Variants in ZNF354C observed in about 807,000 individuals in gnomAD.
ZNF354C encodes the protein zinc finger protein 354C.
A neutral mutation model predicts 12.4 loss-of-function variants in ZNF354C; 7 were observed. That is an observed-to-expected ratio of 0.56 (90% CI 0.32 to 1.06). The LOEUF is 1.06. Ranked by LOEUF, ZNF354C falls within the 50% of genes least tolerant of loss-of-function variation. The pLI, the probability that ZNF354C is intolerant of heterozygous loss-of-function variation, is 0.04. For missense variants in ZNF354C, 609 were observed against 658.0 expected (o/e 0.93, Z 0.81); for synonymous variants, 202 against 224.5 (o/e 0.90, Z 0.90).
At chr5:179,069,559 C>T (rs1310045260) in intron 2 of ZNF354C, among the ~76,000 whole-genome samples, 2 of 104,170 alleles carry the variant, frequency 1.9e-5, no homozygotes, top group Non-Finnish European at 4.0e-5. Flanking sequence ...AAGACTCCAT[C>T]TCAAAAAAAA....
chr5:179,063,128 C>T (rs1206306202), intron 2 of ZNF354C, among the ~76,000 whole-genome samples: 2 of 152,172 alleles, frequency 1.3e-5, no homozygotes, highest in African/African-American at 4.8e-5. Context: ...AATGTGGACT[C>T]AGGAGCTTGA....
Position 179,079,172 on chromosome 5 carries a change from A to T in ZNF354C, c.740A>T (p.Asn247Ile), listed in dbSNP as rs1237622141. 6.2e-7 allele frequency: 1 copy of T among 1,613,594 alleles called. No individual in the cohort carries two copies. The highest frequency in any genetic ancestry group is 1.3e-5 in the African/African-American group (1 of 74,954). The stretch of plus-strand genomic sequence containing the variant: ...ACAGGTGAGAAACCCTACAAATGTA[A>T]TGAGTGTGAAAAAACCTTCAGCCAC... Reference protein sequence around the residue: ...IHTGEKPYKCNECEKTFSHRS... With the variant: ...IHTGEKPYKCIECEKTFSHRS... Residue 247 changes from asparagine to isoleucine, a missense_variant, in exon 5 of 5, where the codon AAT becomes ATT. By Grantham distance (149) the Asn-to-Ile change is moderately radical. Transcript: ENST00000315475. This position sits in a 1 kb window ranked among gnomAD's most constrained non-coding sequence, Gnocchi z 4.2.
Position 179,079,482 on chromosome 5 carries a change from T to C in ZNF354C, c.1050T>C (p.His350=), listed in dbSNP as rs755682776. The C allele has an allele frequency of 1.8e-5, 29 of 1,614,092 alleles. No homozygotes were observed. The highest frequency in any genetic ancestry group is 1.0e-4 in the Admixed American group (6 of 60,018). The change falls in exon 5 of 5, where the codon CAT becomes CAC. Residue 350 remains histidine (H), a synonymous_variant. Transcript: ENST00000315475. The surrounding 1 kb of genome is among the most constrained non-coding windows in gnomAD (Gnocchi z 4.2). ...AACTTCACAGGCATCAAAGAATCCA[T>C]ACAGGTGAGAAACCCTATAAATGTA... ...RAKLHRHQRI[H]TGEKPYKCSE... is the part of the protein sequence containing the mutation.
In ZNF354C at chr5:179,082,792, T is replaced by A; in HGVS notation, c.*2695T>A. On this transcript the variant is annotated 3_prime_UTR_variant, in exon 5 of 5. Transcript: ENST00000315475. Reference sequence around the variant, plus strand: ...GGATCACTGGCATCATCCAGGGTGATGTTCTTCAAGCGACTGACCAACCGA... The same window carrying A: ...GGATCACTGGCATCATCCAGGGTGAAGTTCTTCAAGCGACTGACCAACCGA... The A allele has an allele frequency of 7.3e-7, 1 of 1,365,684 alleles. No homozygotes were observed. Among genetic ancestry groups the A allele is most frequent in the Non-Finnish European group, 1.0e-6 (1 of 955,004 alleles). The allele number at this position is 1,365,684 out of a possible 1,614,324, so 84.6% of individuals were successfully genotyped here. A position where few individuals can be genotyped will look rare whatever the true frequency, so the allele number is the denominator to read the frequency against.
intron 1 of ZNF354C, 45 bp from the exon 2 acceptor site, chr5:179,061,970 A>C: frequency 5.9e-6 from 8 of 1,356,010 alleles, no homozygotes; most frequent in Non-Finnish European, 7.4e-6. Context: ...TCTCCAAGCC[A>C]TCTCCTGACG....
In ZNF354C at chr5:179,078,742, G is replaced by T. The variant is rs866090463; in HGVS notation, c.310G>T (p.Glu104Ter). The stretch of plus-strand genomic sequence containing the variant: ...TCATAGACAGGACATTTTTATAGAA[G>T]AAACATCTCAGGGAATGGTAAAGAA... ...LPHRQDIFIE[E>*]TSQGMVKKES... The change falls in exon 5 of 5, where the codon GAA becomes TAA. Residue 104 changes from glutamate (E) to a stop codon, truncating the protein, a stop_gained. Coordinates refer to ENST00000315475, the MANE Select transcript of ZNF354C (RefSeq NM_014594.3). LOFTEE classifies it low-confidence loss of function (END_TRUNC). 2.5e-6 allele frequency: 4 copies of T among 1,612,596 alleles called. No individual in the cohort carries two copies. The highest frequency in any genetic ancestry group is 1.1e-5 in the South Asian group (1 of 90,484).
intron 2 of ZNF354C, among the ~76,000 whole-genome samples, chr5:179,075,651 A>G (rs1285563996): frequency 6.6e-6 from 1 of 152,162 alleles, no homozygotes; most frequent in Non-Finnish European, 1.5e-5. Flanking sequence ...CATGTGTCAT[A>G]TATATGTATA....
At chr5:179,072,380 T>C (rs977495889) in intron 2 of ZNF354C, among the ~76,000 whole-genome samples, 1 of 151,892 alleles carries the variant, frequency 6.6e-6, no homozygotes, top group African/African-American at 2.4e-5. Flanking sequence ...TTGACAGAAA[T>C]TATCCTATCT....
In ZNF354C at chr5:179,060,900, G is replaced by A. The variant is rs1194256942; in HGVS notation, c.-55+234G>A. Reference sequence around the variant, plus strand: ...GTACGCTGTTCCCGCTCTGTCAGGAGGAGACCGAGGCAGAGTGGCGAGGTC... The same window carrying A: ...GTACGCTGTTCCCGCTCTGTCAGGAAGAGACCGAGGCAGAGTGGCGAGGTC... On this transcript the variant is annotated intron_variant, in intron 1 of 4. Transcript: ENST00000315475. This position sits in a 1 kb window ranked among gnomAD's most constrained non-coding sequence, Gnocchi z 4.2. Among the ~76,000 whole-genome samples the A allele has an allele frequency of 6.6e-6, 1 of 152,218 alleles. No individual in the cohort carries two copies. The highest frequency in any genetic ancestry group is 2.4e-5 in the African/African-American group (1 of 41,452).
In ZNF354C at chr5:179,083,425, T is replaced by G. The variant is rs1762255877; in HGVS notation, c.*3328T>G. ...TTCAAATAAATATGTACAAAATCAG[T>G]CAATTGTTTTTTGTGGTGGATCTAT... On this transcript the variant is annotated 3_prime_UTR_variant, in exon 5 of 5. Transcript: ENST00000315475. 1 of 152,708 alleles carries G rather than the reference T, an allele frequency of 6.5e-6. No individual in the cohort carries two copies. Among genetic ancestry groups the G allele is most frequent in the Non-Finnish European group, 1.5e-5 (1 of 68,396 alleles). 9.5% of individuals were successfully genotyped at this position (152,708 alleles called of 1,614,324 possible).
At position 179,076,707 on chromosome 5, in the gene ZNF354C, C is replaced by T. The variant is rs1762128894; in HGVS notation, c.154+136C>T. The T allele has an allele frequency of 2.1e-5, 25 of 1,166,476 alleles. No homozygotes were observed. In the South Asian group the frequency reaches 3.2e-4, roughly 15 times the overall value. The allele number at this position is 1,166,476 out of a possible 1,614,324, so 72.3% of individuals were successfully genotyped here. On this transcript the variant is annotated intron_variant, in intron 3 of 4. Transcript: ENST00000315475. ...GAATTGCTGTAGAGTGGAAAGTGTA[C>T]ATCTTTGTTGTGATGCCCTTCTTGC... is the stretch of plus-strand genomic sequence containing the variant.
chr5:179,065,763 T>C (rs1254070912), intron 2 of ZNF354C, among the ~76,000 whole-genome samples: 2 of 152,054 alleles, frequency 1.3e-5, no homozygotes, highest in Admixed American at 1.3e-4. Context: ...TTGCGTGATG[T>C]TTTTTCTCAT....
rs890560338 is a variant in ZNF354C at position 179,079,738 on chromosome 5, G to A, written c.1306G>A (p.Gly436Arg). 1 of 1,613,974 alleles carries A rather than the reference G, an allele frequency of 6.2e-7. No homozygotes were observed. The highest frequency in any genetic ancestry group is 8.5e-7 in the Non-Finnish European group (1 of 1,180,026). Residue 436 changes from glycine (G) to arginine (R), a missense_variant, in exon 5 of 5, where the codon GGG becomes AGG. Physicochemically the swap from Gly to Arg is moderately radical, Grantham distance 125. Transcript: ENST00000315475. The surrounding 1 kb of genome is among the most constrained non-coding windows in gnomAD (Gnocchi z 4.2). ...SFNEHRKIHT[G>R]EKLYTCEECG... ...TAATGAACATCGGAAAATTCATACTGGGGAAAAACTTTATACATGTGAGGA... is the reference window on the plus strand; with the variant it reads ...TAATGAACATCGGAAAATTCATACTAGGGAAAAACTTTATACATGTGAGGA...
In ZNF354C at chr5:179,083,854, G is replaced by C. The variant is rs1762259720; in HGVS notation, c.*3757G>C. Among the ~76,000 whole-genome samples the C allele has an allele frequency of 6.6e-6, 1 of 152,190 alleles. No homozygotes were observed. Among genetic ancestry groups the C allele is most frequent in the Admixed American group, 6.5e-5 (1 of 15,282 alleles). On this transcript the variant is annotated 3_prime_UTR_variant, in exon 5 of 5. Transcript: ENST00000315475. ...TGGTGAGGACAGAGATGGCTGAGCA[G>C]GCATCTAAACCTCAGAGTTAGGAAC...
rs1184112545 is a variant in ZNF354C at position 179,062,087 on chromosome 5, T to A, written c.19T>A (p.Ser7Thr). The A allele has an allele frequency of 6.2e-7, 1 of 1,614,200 alleles. No homozygotes were observed. Among genetic ancestry groups the A allele is most frequent in the East Asian group, 2.2e-5 (1 of 44,878 alleles). ...GGAAGGGATGGCTGTGGATCTGCTG[T>A]CTGCTCAGGTGAGAGTGAGTGAAGG... MAVDLL[S>T]AQEPVTFRDV... The change falls in exon 2 of 5, where the codon TCT becomes ACT. Residue 7 changes from serine (S) to threonine (T), a missense_variant. Coordinates refer to ENST00000315475, the MANE Select transcript of ZNF354C (RefSeq NM_014594.3).
chr5:179,065,047 TGTCA>T (rs1761942996), intron 2 of ZNF354C, among the ~76,000 whole-genome samples: 1 of 152,220 alleles, frequency 6.6e-6, no homozygotes, highest in African/African-American at 2.4e-5. Context: ...TTTTTGATAT[TGTCA>T]GTATTTTTAA....
intron 4 of ZNF354C, 98 bp downstream of exon 4, chr5:179,077,264 T>C (rs1762137641): frequency 1.1e-6 from 1 of 911,680 alleles, no homozygotes; most frequent in Non-Finnish European, 1.8e-6. Context: ...TACTGAGTCC[T>C]CTTGAGATGC....
chr5:179,077,058 T>C lies in ZNF354C; in HGVS notation c.155-13T>C, dbSNP rs778047692. ...GCTATTTGTTCAAACTTCATTTGCT[T>C]CCTCATGAGCAGGGATTCCATTTTC... On this transcript the variant is annotated splice_polypyrimidine_tract_variant and intron_variant, in intron 3 of 4. Coordinates refer to ENST00000315475, the MANE Select transcript of ZNF354C (RefSeq NM_014594.3). 6.2e-7 allele frequency: 1 copy of C among 1,612,736 alleles called. No homozygotes were observed. The highest frequency in any genetic ancestry group is 2.2e-5 in the East Asian group (1 of 44,870).
chr5:179,066,780 T>C (rs1276288002), intron 2 of ZNF354C, among the ~76,000 whole-genome samples: 1 of 152,218 alleles, frequency 6.6e-6, no homozygotes, highest in Non-Finnish European at 1.5e-5. Context: ...ATTTTCCCTT[T>C]GACTTTGGTG....
Sources: gnomAD v4.1 joint callset for allele counts (sites outside exome capture counted in the v4.1 genomes callset) on GRCh38, gnomAD v4.1.1 for gene constraint, Gnocchi (gnomAD v3.1) non-coding constraint, MANE v1.5 for transcripts, NCBI Gene and HGNC (gene_info 2026-07-23, HGNC 2026-07-21) for gene names.